The following PRCP variants were observed in gnomAD, a reference collection of about 807,000 sequenced individuals.
PRCP encodes lysosomal Pro-X carboxypeptidase.
Under a neutral mutation model 54.2 loss-of-function variants are expected in PRCP, and 46 were observed. The ratio of observed to expected loss-of-function variants is 0.85; its 90% CI spans 0.67 to 1.09. The LOEUF (loss-of-function observed/expected upper bound fraction) is 1.09, where lower values mean the gene tolerates loss of function less well. Among genes scored for constraint, PRCP ranks in the 50% least tolerant of loss-of-function variants. PRCP has a pLI of 0.00. For synonymous variants in PRCP, 240 were observed against 212.2 expected (o/e 1.13, Z -1.14); for missense variants, 613 against 596.8 (o/e 1.03, Z -0.28).
intron 3 of PRCP, among the ~76,000 whole-genome samples, chr11:82,851,027 A>C (rs1265619119): frequency 2.6e-5 from 4 of 152,186 alleles, no homozygotes; most frequent in Non-Finnish European, 5.9e-5. Flanking sequence ...AAGAAAAAAA[A>C]ACTATTTTCA....
intron 1 of PRCP, among the ~76,000 whole-genome samples, chr11:82,876,102 T>A (rs1376428314): frequency 1.3e-5 from 2 of 152,214 alleles, no homozygotes; most frequent in African/African-American, 4.8e-5. Context: ...CCTTCTCTGA[T>A]CCTATGACAG....
chr11:82,848,606 A>G (rs1386282757), intron 6 of PRCP, among the ~76,000 whole-genome samples: 5 of 152,198 alleles, frequency 3.3e-5, no homozygotes, highest in Admixed American at 3.3e-4. Context: ...AGCACCTACA[A>G]TGCTTTCGCA....
At chr11:82,832,031 A>G (rs1429382728) in intron 8 of PRCP, among the ~76,000 whole-genome samples, 1 of 152,158 alleles carries the variant, frequency 6.6e-6, no homozygotes, top group Non-Finnish European at 1.5e-5. Flanking sequence ...ATCCATGGCC[A>G]TGCAAAGGAC....
chr11:82,863,510 C>G (rs544881098), intron 1 of PRCP, among the ~76,000 whole-genome samples: 1 of 152,300 alleles, frequency 6.6e-6, no homozygotes, highest in South Asian at 2.1e-4. Flanking sequence ...AACAAGATGC[C>G]TTCCCATGAG....
chr11:82,832,885 GA>G (rs1243232733), intron 8 of PRCP, among the ~76,000 whole-genome samples: 1 of 152,158 alleles, frequency 6.6e-6, no homozygotes, highest in African/African-American at 2.4e-5. Flanking sequence ...TTTACTTTGG[GA>G]GTGCTGTTTC....
At position 82,853,281 on chromosome 11, in the gene PRCP, A is replaced by G; in HGVS notation, c.310-3T>C. ...TCAGCCACATCCCACATGAACCCCT[A>G]AGAAGAGTTTACAAAATCACAGGAT... is the stretch of plus-strand genomic sequence containing the variant. On this transcript the variant is annotated splice_polypyrimidine_tract_variant and splice_region_variant and intron_variant, in intron 2 of 8. Transcript: ENST00000313010. 6.3e-7 allele frequency: 1 copy of G among 1,599,074 alleles called. No individual in the cohort carries two copies. The highest frequency in any genetic ancestry group is 8.5e-7 in the Non-Finnish European group (1 of 1,173,208).
chr11:82,866,937 G>T (rs1859350874), intron 1 of PRCP, among the ~76,000 whole-genome samples: 1 of 152,036 alleles, frequency 6.6e-6, no homozygotes, highest in South Asian at 2.1e-4. Flanking sequence ...GGCCAGGCTG[G>T]TCTCAAACTC....
intron 1 of PRCP, chr11:82,885,004 AATATG>A (rs1232480077): frequency 1.4e-6 from 2 of 1,402,356 alleles, no homozygotes; most frequent in Non-Finnish European, 1.9e-6. Context: ...TGAAAGAAAA[AATATG>A]ATATAAAACT....
At chr11:82,828,545 ATG>A (rs1858299618) in intron 8 of PRCP, 1 of 152,164 alleles carries the variant, frequency 6.6e-6, no homozygotes, top group Admixed American at 6.5e-5. Flanking sequence ...AGAACATTTT[ATG>A]TGTGTCCTGA....
chr11:82,835,669 C>T (rs772751952), intron 8 of PRCP: 20 of 309,564 alleles, frequency 6.5e-5, no homozygotes, highest in South Asian at 2.9e-4. Context: ...CTGATGAAGA[C>T]GACGGTAGGA....
At chr11:82,827,337 C>T (rs1858260887) in intron 8 of PRCP, 1 of 152,106 alleles carries the variant, frequency 6.6e-6, no homozygotes, top group African/African-American at 2.4e-5. Context: ...TGGTGTCTAA[C>T]CCACGGTCAT....
chr11:82,831,134 A>T (rs1164445677), intron 8 of PRCP: 1 of 151,606 alleles, frequency 6.6e-6, no homozygotes, highest in Non-Finnish European at 1.5e-5. Flanking sequence ...AGCTTCACTT[A>T]GTCACTGGCA....
At chr11:82,831,717 C>T (rs1858387714) in intron 8 of PRCP, among the ~76,000 whole-genome samples, 1 of 151,730 alleles carries the variant, frequency 6.6e-6, no homozygotes, top group Non-Finnish European at 1.5e-5. Flanking sequence ...TCCTTGGACA[C>T]TTTCTTTTTT....
chr11:82,850,957 C>T (rs1385656775), intron 3 of PRCP, among the ~76,000 whole-genome samples: 2 of 151,928 alleles, frequency 1.3e-5, no homozygotes, highest in Admixed American at 1.3e-4. Flanking sequence ...TATATGACCT[C>T]GGCCATATCA....
At chr11:82,865,951 A>C (rs1266659257) in intron 1 of PRCP, among the ~76,000 whole-genome samples, 1 of 152,152 alleles carries the variant, frequency 6.6e-6, no homozygotes. Flanking sequence ...ACAGTTGGAG[A>C]AGGATGGATG....
Position 82,824,956 on chromosome 11 carries a change from T to C in PRCP, c.1441A>G (p.Met481Val), listed in dbSNP as rs770409707. Residue 481 changes from methionine (M) to valine (V), a missense_variant, in exon 9 of 9, where the codon ATG (methionine) becomes GTG (valine). Transcript: ENST00000313010. ...TAGAAATCTCTGATCCAATTCTTCA[T>C]ATGTCTAACTTCCAAGGAGCGGGCT... ...LLARSLEVRH[M>V]KNWIRDFYDS... 8.1e-6 allele frequency: 13 copies of C among 1,614,016 alleles called. No individual in the cohort carries two copies. In the African/African-American group the frequency reaches 1.1e-4, roughly 13 times the overall value.
chr11:82,868,324 T>C (rs890707581), intron 1 of PRCP, among the ~76,000 whole-genome samples: 1 of 152,244 alleles, frequency 6.6e-6, no homozygotes, highest in African/African-American at 2.4e-5. Flanking sequence ...ATCACATTAA[T>C]ATTAAATTTT....
intron 2 of PRCP, 88 bp from the exon 3 acceptor site, chr11:82,853,366 T>C (rs1859006082): frequency 2.9e-6 from 3 of 1,030,326 alleles, no homozygotes; most frequent in South Asian, 1.8e-5. Context: ...GAATAGATGT[T>C]AAGCCAGAAC....
At chr11:82,830,362 TC>T (rs1360485136) in intron 8 of PRCP, 1 of 151,966 alleles carries the variant, frequency 6.6e-6, no homozygotes, top group African/African-American at 2.4e-5. Context: ...GCACGGTGGC[TC>T]ACACCTATAA....
Sources: allele counts gnomAD v4.1 joint callset (sites outside exome capture counted in the v4.1 genomes callset), GRCh38; gene constraint gnomAD v4.1.1; transcripts MANE v1.5; gene names NCBI Gene and HGNC (gene_info 2026-07-23, HGNC 2026-07-21).